The following DGCR8 variants were observed in gnomAD, a reference collection of about 807,000 sequenced individuals.
The protein encoded by DGCR8 is DGCR8 microprocessor complex subunit.
A neutral mutation model predicts 78.5 loss-of-function variants in DGCR8; 14 were observed. The observed-to-expected ratio is 0.18, with a 90% CI of 0.12 to 0.28. The LOEUF is 0.28. Among genes scored for constraint, DGCR8 ranks in the 10% least tolerant of loss-of-function variants. The probability of loss-of-function intolerance (pLI) is 1.00; values close to 1 mark genes in which losing one functional copy is unlikely to be tolerated. For synonymous variants in DGCR8, 399 were observed against 402.4 expected (o/e 0.99, Z 0.10); for missense variants, 702 against 1,022.5 (o/e 0.69, Z 4.28).
At chr22:20,106,781 G>A in intron 11 of DGCR8, 83 bp downstream of exon 11, 2 of 971,922 alleles carry the variant, frequency 2.1e-6, no homozygotes, top group Non-Finnish European at 3.3e-6. Flanking sequence ...CTTGGTCTCA[G>A]CTGTTGCCCT....
intron 10 of DGCR8, 36 bp downstream of exon 10, chr22:20,106,313 T>C: frequency 1.3e-6 from 2 of 1,527,332 alleles, no homozygotes; most frequent in Non-Finnish European, 1.8e-6. Flanking sequence ...ATGAGTCAGG[T>C]CGGGGGAGCT....
At chr22:20,084,959 G>A in intron 1 of DGCR8, 1 of 985,302 alleles carries the variant, frequency 1.0e-6, no homozygotes, top group Non-Finnish European at 1.2e-6. Flanking sequence ...GGGCGGAACG[G>A]GCTGCAGGTG....
chr22:20,084,161 A>T (rs1041390487), intron 1 of DGCR8, among the ~76,000 whole-genome samples: 11 of 152,142 alleles, frequency 7.2e-5, no homozygotes, highest in African/African-American at 2.7e-4. Context: ...ATTAAACCTA[A>T]ACTAGTCTCT....
intron 9 of DGCR8, among the ~76,000 whole-genome samples, chr22:20,105,075 AG>A (rs2049753940): frequency 6.6e-6 from 1 of 152,260 alleles, no homozygotes; most frequent in Non-Finnish European, 1.5e-5. Context: ...AGTGCTTCAA[AG>A]TGTGGTCTTT....
Position 20,085,489 on chromosome 22 carries a change from A to G in DGCR8, c.-277-198A>G, listed in dbSNP as rs1460488745. 6.6e-6 allele frequency among the ~76,000 whole-genome samples: 1 copy of G among 152,226 alleles called. No homozygotes were observed. The highest frequency in any genetic ancestry group is 1.9e-4 in the East Asian group (1 of 5,198). ...AAAGTGGGCATTAACAAAATATTTA[A>G]CTTTGGACTTAAGTTATAATTCAGG... On this transcript the variant is annotated intron_variant, in intron 1 of 13. Coordinates refer to ENST00000351989, the MANE Select transcript of DGCR8 (RefSeq NM_022720.7). The surrounding 1 kb of genome is among the most constrained non-coding windows in gnomAD (Gnocchi z 6.2).
At chr22:20,100,702 T>C (rs2049688137) in intron 9 of DGCR8, 2 of 985,254 alleles carry the variant, frequency 2.0e-6, no homozygotes, top group South Asian at 4.7e-5. Context: ...CATTGCAAAG[T>C]AGTCTGAGAA....
chr22:20,090,083 C>T lies in DGCR8; in HGVS notation c.1131C>T (p.Ser377=), dbSNP rs2049535188. The T allele has an allele frequency of 6.2e-7, 1 of 1,614,192 alleles. No homozygotes were observed. The highest frequency in any genetic ancestry group is 8.5e-7 in the Non-Finnish European group (1 of 1,180,020). Reference sequence around the variant, plus strand: ...ACCTCACCCCTAGTGGGGATGTGTCCCCCGTCAAGCCCCTGAGCCGATCTG... The same window carrying T: ...ACCTCACCCCTAGTGGGGATGTGTCTCCCGTCAAGCCCCTGAGCCGATCTG... ...SSDLTPSGDV[S]PVKPLSRSAE... is the part of the protein sequence containing the mutation. The change falls in exon 5 of 14, where the codon TCC becomes TCT. Residue 377 remains serine (S), a synonymous_variant. Transcript: ENST00000351989.
At chr22:20,109,475 G>A (rs2049809290) in intron 13 of DGCR8, among the ~76,000 whole-genome samples, 1 of 152,246 alleles carries the variant, frequency 6.6e-6, no homozygotes, top group Non-Finnish European at 1.5e-5. Flanking sequence ...CCTTCTGGGT[G>A]GGAGCTTTCT....
rs150064533 is a variant in DGCR8, at chr22:20,094,084, C to T, written c.1706-629C>T. ...GCGTGGCTGTGTGCTCTTCCCTCTG[C>T]GGGATCACCCGCTTTCCTCCCTATG... On this transcript the variant is annotated intron_variant, in intron 8 of 13. Transcript: ENST00000351989. Among the ~76,000 whole-genome samples the T allele has an allele frequency of 8.5e-5, 13 of 152,296 alleles. No individual in the cohort carries two copies. In the East Asian group the frequency reaches 1.7e-3, roughly 20 times the overall value.
At chr22:20,092,252 G>A (rs2049574124) in intron 7 of DGCR8, among the ~76,000 whole-genome samples, 1 of 152,194 alleles carries the variant, frequency 6.6e-6, no homozygotes, top group Non-Finnish European at 1.5e-5. Flanking sequence ...GTCATGGACA[G>A]CCTTATTGCG....
chr22:20,110,446 A>T lies in DGCR8; in HGVS notation c.*338A>T. 1 of 278,284 alleles carries T rather than the reference A, an allele frequency of 3.6e-6. No homozygotes were observed. Among genetic ancestry groups the T allele is most frequent in the Admixed American group, 5.1e-5 (1 of 19,780 alleles). 17.2% of individuals were successfully genotyped at this position (278,284 alleles called of 1,614,324 possible). On this transcript the variant is annotated 3_prime_UTR_variant, in exon 14 of 14. Transcript: ENST00000351989. The stretch of plus-strand genomic sequence containing the variant: ...TATGAAGGCTTTCATGAATTTTAGT[A>T]TGTAATACGCACTGACGACACATGA...
At chr22:20,096,436 C>T in intron 9 of DGCR8, 1 of 985,310 alleles carries the variant, frequency 1.0e-6, no homozygotes. Context: ...CCATTTAAAA[C>T]TAGCTGTAAA....
chr22:20,080,937 T>G (rs1201412442), intron 1 of DGCR8, among the ~76,000 whole-genome samples: 3 of 152,234 alleles, frequency 2.0e-5, no homozygotes, highest in Non-Finnish European at 4.4e-5. Flanking sequence ...CTGATTTGCC[T>G]TTTTGCATGC....
chr22:20,109,961 G>T, intron 13 of DGCR8, 64 bp from the exon 14 acceptor site: 3 of 1,514,910 alleles, frequency 2.0e-6, no homozygotes, highest in Non-Finnish European at 2.7e-6. Context: ...CCTCCACCTT[G>T]TGTCTTCCCG....
In DGCR8 at chr22:20,080,366, A is replaced by C. The variant is rs1270471559; in HGVS notation, c.-295A>C. ...TGGTTTGGCTGCGGGCGGCTTGGGC[A>C]GCCCGCGGGCGCCTCAGGTAGGTGC... On this transcript the variant is annotated 5_prime_UTR_variant, in exon 1 of 14. Coordinates refer to ENST00000351989, the MANE Select transcript of DGCR8 (RefSeq NM_022720.7). The C allele has an allele frequency of 2.0e-6, 2 of 976,328 alleles. No individual in the cohort carries two copies. The highest frequency in any genetic ancestry group is 2.4e-4 in the East Asian group (2 of 8,456). 60.5% of individuals were successfully genotyped at this position (976,328 alleles called of 1,614,324 possible).
chr22:20,087,666 G>T lies in DGCR8; in HGVS notation c.880+345G>T, dbSNP rs1221098469. Among the ~76,000 whole-genome samples, 1 of 152,164 alleles carries T rather than the reference G, an allele frequency of 6.6e-6. No individual in the cohort carries two copies. Among genetic ancestry groups the T allele is most frequent in the East Asian group, 1.9e-4 (1 of 5,188 alleles). On this transcript the variant is annotated intron_variant, in intron 3 of 13. Transcript: ENST00000351989. This position sits in a 1 kb window ranked among gnomAD's most constrained non-coding sequence, Gnocchi z 4.1. ...GGTGTGGAGACCAAGGGCAAGGTGGGTACACAGTGAGATGGCAGGTGATAG... is the reference window on the plus strand; with the variant it reads ...GGTGTGGAGACCAAGGGCAAGGTGGTTACACAGTGAGATGGCAGGTGATAG...
chr22:20,086,407 C>T lies in DGCR8; in HGVS notation c.444C>T (p.Cys148=), dbSNP rs138332207. The part of the protein sequence containing the change: ...TGAERDVRAE[C]GLLLSPVSGD... ...CAGAGCGCGACGTGCGGGCGGAGTG[C>T]GGTCTGCTCCTTAGCCCTGTCAGTG... The change falls in exon 2 of 14, where the codon TGC becomes TGT. Residue 148 remains cysteine, a synonymous_variant. Transcript: ENST00000351989. This position sits in a 1 kb window ranked among gnomAD's most constrained non-coding sequence, Gnocchi z 6.4. 845 of 1,613,822 alleles carry T rather than the reference C, an allele frequency of 5.2e-4. 3 individuals carry two copies. In the African/African-American group the frequency reaches 9.4e-3, roughly 18 times the overall value.
At chr22:20,095,220 C>T (rs778034943) in intron 9 of DGCR8, among the ~76,000 whole-genome samples, 140 of 152,280 alleles carry the variant, frequency 9.2e-4, no homozygotes, top group Middle Eastern at 3.4e-3. Context: ...ATTCTCCCAC[C>T]TCAGCTTCCT....
intron 9 of DGCR8, among the ~76,000 whole-genome samples, chr22:20,095,450 T>C (rs977490154): frequency 1.3e-5 from 2 of 152,144 alleles, no homozygotes; most frequent in African/African-American, 4.8e-5. Flanking sequence ...ACGTGGAAGT[T>C]AGGGGCACCA....
Sources: allele counts gnomAD v4.1 joint callset (sites outside exome capture counted in the v4.1 genomes callset), GRCh38; gene constraint gnomAD v4.1.1; non-coding constraint Gnocchi (gnomAD v3.1); transcripts MANE v1.5; gene names NCBI Gene and HGNC (gene_info 2026-07-23, HGNC 2026-07-21).